Variants in GLI3 observed in about 807,000 individuals in gnomAD.
GLI3 encodes GLI family zinc finger 3.
A neutral mutation model predicts 100.8 loss-of-function variants in GLI3; 20 were observed. That is an observed-to-expected ratio of 0.20 (90% CI 0.14 to 0.29). GLI3 has a LOEUF of 0.29. GLI3 is among the 10% of genes least tolerant of loss of function. GLI3 has a pLI of 1.00. For synonymous variants in GLI3, 938 were observed against 860.5 expected (o/e 1.09, Z -1.58); for missense variants, 2,040 against 2,128.5 (o/e 0.96, Z 0.82).
At chr7:42,114,001 T>C (rs1785783773) in intron 3 of GLI3, among the ~76,000 whole-genome samples, 1 of 152,180 alleles carries the variant, frequency 6.6e-6, no homozygotes, top group Admixed American at 6.5e-5. Flanking sequence ...TAGGCTTAAC[T>C]CCCTTAAAGC....
intron 3 of GLI3, among the ~76,000 whole-genome samples, chr7:42,115,175 G>C (rs1785821651): frequency 8.9e-6 from 1 of 112,122 alleles, no homozygotes; most frequent in Non-Finnish European, 1.7e-5. Context: ...GTCTCGCTCT[G>C]TCTCCCAGGT....
At chr7:42,023,925 C>T (rs538133679) in intron 9 of GLI3, among the ~76,000 whole-genome samples, 5 of 152,004 alleles carry the variant, frequency 3.3e-5, no homozygotes, top group African/African-American at 7.2e-5. Context: ...CAAAACAAAA[C>T]GTAAAACAAA....
Position 41,972,528 on chromosome 7 carries a change from C to T in GLI3, c.1912G>A (p.Val638Ile). The T allele has an allele frequency of 1.2e-6, 2 of 1,613,148 alleles. No individual in the cohort carries two copies. The highest frequency in any genetic ancestry group is 1.7e-6 in the Non-Finnish European group (2 of 1,180,012). ...ATGTCCCCTCGCTGCTTCTTGGTGACATGAGCCTCTGGGCCATGCACTGTC... is the reference window on the plus strand; with the variant it reads ...ATGTCCCCTCGCTGCTTCTTGGTGATATGAGCCTCTGGGCCATGCACTGTC... ...VKTVHGPEAH[V>I]TKKQRGDIHP... The change falls in exon 13 of 15, where the codon GTC becomes ATC. Residue 638 changes from valine (V) to isoleucine (I), a missense_variant. Around this residue, in one of 5 missense-constraint regions of GLI3, gnomAD observed 61 missense variants for 150.9 expected, o/e 0.40. Transcript: ENST00000395925. The surrounding 1 kb of genome is among the most constrained non-coding windows in gnomAD (Gnocchi z 4.4).
chr7:42,148,116 C>A, intron 3 of GLI3, 110 bp downstream of exon 3: 1 of 1,166,352 alleles, frequency 8.6e-7, no homozygotes, highest in Non-Finnish European at 1.2e-6. Flanking sequence ...ATTATACAAG[C>A]CAAAACTTCA....
intron 1 of GLI3, among the ~76,000 whole-genome samples, chr7:42,224,099 C>G (rs772904887): frequency 1.3e-5 from 2 of 152,214 alleles, no homozygotes; most frequent in Non-Finnish European, 2.9e-5. Flanking sequence ...GTGATAATCG[C>G]CCTAACTCAT....
chr7:42,249,212 C>G (rs1168921098), intron 1 of GLI3, among the ~76,000 whole-genome samples: 1 of 152,162 alleles, frequency 6.6e-6, no homozygotes, highest in East Asian at 1.9e-4. Context: ...CATACAGTAT[C>G]CACATGAACT....
At chr7:42,147,929 T>C (rs1786755102) in intron 3 of GLI3, among the ~76,000 whole-genome samples, 1 of 152,148 alleles carries the variant, frequency 6.6e-6, no homozygotes, top group African/African-American at 2.4e-5. Context: ...ACTCTAGTTC[T>C]ACTTCTCAAC....
intron 3 of GLI3, among the ~76,000 whole-genome samples, chr7:42,078,890 T>C (rs1289091623): frequency 1.3e-5 from 2 of 151,840 alleles, no homozygotes; most frequent in East Asian, 3.9e-4. Flanking sequence ...CCACCACGCC[T>C]GGCTAATTTT....
chr7:42,028,796 A>G (rs1471946612), intron 7 of GLI3, among the ~76,000 whole-genome samples: 1 of 150,400 alleles, frequency 6.6e-6, no homozygotes, highest in Non-Finnish European at 1.5e-5. Flanking sequence ...AATAATAATA[A>G]TAAATAAAAA....
chr7:42,061,833 A>C (rs1186586069), intron 4 of GLI3, among the ~76,000 whole-genome samples: 2 of 152,166 alleles, frequency 1.3e-5, no homozygotes, highest in Non-Finnish European at 2.9e-5. Context: ...CAACTTCTAC[A>C]TAAGGGGATA....
intron 1 of GLI3, among the ~76,000 whole-genome samples, chr7:42,257,984 A>G (rs912926862): frequency 6.6e-6 from 1 of 152,158 alleles, no homozygotes; most frequent in African/African-American, 2.4e-5. Flanking sequence ...TATGTTCATG[A>G]GGAATATTGA....
chr7:42,040,337 A>T (rs1784107288), intron 6 of GLI3, 98 bp from the exon 7 acceptor site: 3 of 916,184 alleles, frequency 3.3e-6, no homozygotes, highest in East Asian at 2.5e-5. Context: ...AAGGATAAGA[A>T]GCTGGCAACT....
upstream of GLI3, among the ~76,000 whole-genome samples, chr7:42,238,059 G>A (rs1274271041): frequency 7.2e-6 from 1 of 138,422 alleles, no homozygotes; most frequent in East Asian, 2.2e-4. Context: ...CCCCTCCCCG[G>A]TCTTCACACA....
chr7:42,236,405 C>G (rs941540829), intron 1 of GLI3, among the ~76,000 whole-genome samples: 4 of 152,232 alleles, frequency 2.6e-5, no homozygotes, highest in Non-Finnish European at 4.4e-5. Flanking sequence ...TCCTCTATGA[C>G]GACGAAGGCG....
rs557543505 is a variant in GLI3, at chr7:42,167,293, T to G, written c.125-18825A>C. Among the ~76,000 whole-genome samples, 214 of 152,292 alleles carry G rather than the reference T, an allele frequency of 1.4e-3. 1 individual carries two copies. Among genetic ancestry groups the G allele is most frequent in the African/African-American group, 4.7e-3 (195 of 41,554 alleles). On this transcript the variant is annotated intron_variant, in intron 2 of 14. Coordinates refer to ENST00000395925, the MANE Select transcript of GLI3 (RefSeq NM_000168.6). ...ACAAACAGATTAAGGACAAGACAAATGGACACAAACTACCATACTACAGAA... is the reference window on the plus strand; with the variant it reads ...ACAAACAGATTAAGGACAAGACAAAGGGACACAAACTACCATACTACAGAA...
At chr7:42,141,707 T>C (rs1419252877) in intron 3 of GLI3, among the ~76,000 whole-genome samples, 1 of 152,158 alleles carries the variant, frequency 6.6e-6, no homozygotes, top group African/African-American at 2.4e-5. Context: ...ATTTTACAAA[T>C]GTACAAATGT....
rs367903214 is a variant in GLI3 at position 42,025,270 on chromosome 7, C to T, written c.1350G>A (p.Gly450=). The change falls in exon 9 of 15, where the codon GGG becomes GGA. Residue 450 remains glycine, a synonymous_variant. Transcript: ENST00000395925. ...TGCGGCCTCGGTGTCCTACCTGCTG[C>T]CCCCGAGCCCCTGGGCTGGGGAGGT... ...DEDLPSPGAR[G]QQEQPEGTTL... 5.6e-6 allele frequency: 9 copies of T among 1,608,370 alleles called. No homozygotes were observed. Among genetic ancestry groups the T allele is most frequent in the Admixed American group, 1.7e-5 (1 of 59,984 alleles).
intron 13 of GLI3, among the ~76,000 whole-genome samples, chr7:41,968,801 A>AAAGG (rs2128708129): frequency 6.6e-6 from 1 of 151,676 alleles, no homozygotes; most frequent in South Asian, 2.1e-4. Context: ...AGAAAGAAAG[A>AAAGG]AAGGCTGCAG....
At chr7:41,985,707 T>G (rs917765835) in intron 10 of GLI3, among the ~76,000 whole-genome samples, 9 of 152,218 alleles carry the variant, frequency 5.9e-5, no homozygotes, top group Admixed American at 5.9e-4. Context: ...TGTGTATTAC[T>G]TGATAAATGC....
Sources: allele counts gnomAD v4.1 joint callset (sites outside exome capture counted in the v4.1 genomes callset), GRCh38; gene constraint gnomAD v4.1.1; regional missense constraint gnomAD v4.1.1; non-coding constraint Gnocchi (gnomAD v3.1); transcripts MANE v1.5; gene names NCBI Gene and HGNC (gene_info 2026-07-23, HGNC 2026-07-21).